The following CAST variants were observed in gnomAD, a reference collection of about 807,000 sequenced individuals.
The protein encoded by CAST is MIR583 host.
A neutral mutation model predicts 119.6 loss-of-function variants in CAST; 76 were observed. That is an observed-to-expected ratio of 0.64 (90% confidence interval 0.53 to 0.77). CAST has a LOEUF of 0.77. CAST is among the 30% of genes least tolerant of loss of function. The probability of loss-of-function intolerance (pLI) is 0.00; values close to 1 mark genes in which losing one functional copy is unlikely to be tolerated. For missense variants in CAST, 953 were observed against 946.5 expected, an observed-to-expected ratio of 1.01 and a Z score of -0.09; for synonymous variants, 319 against 331.6, an observed-to-expected ratio of 0.96 and a Z score of 0.41.
rs577011913 is a variant in CAST, at chr5:96,690,501, A to G, written c.139-5335A>G. Among the ~76,000 whole-genome samples, 77 of 152,324 alleles carry G rather than the reference A, an allele frequency of 5.1e-4. 1 individual carries two copies. The highest frequency in any genetic ancestry group is 3.9e-4 in the Admixed American group (6 of 15,298). On this transcript the variant is annotated intron_variant, in intron 2 of 31. Transcript: ENST00000675179. ...TGCCTCTGCCTGCCAAAGTGCTAGG[A>G]TTACAGGCATAAACCACTGCACCTG...
chr5:96,568,367 C>A (rs570687672), intron 1 of CAST, among the ~76,000 whole-genome samples: 2 of 152,108 alleles, frequency 1.3e-5, no homozygotes, highest in South Asian at 4.2e-4. Context: ...GAGTTAGAGA[C>A]CAGCCTGGCC....
the CAST span, chr5:96,392,043 A>G: frequency 3.9e-5 from 6 of 152,112 alleles, no homozygotes; most frequent in Non-Finnish European, 4.4e-5. Flanking sequence ...AAAAACAAAA[A>G]CAAAACTTCT....
At chr5:96,097,937 A>G in the CAST span, among the ~76,000 whole-genome samples, 3 of 151,850 alleles carry the variant, frequency 2.0e-5, no homozygotes, top group East Asian at 1.9e-4. Flanking sequence ...ACTAATTTAC[A>G]CTCCCACCAA....
At chr5:96,399,290 A>T in the CAST span, among the ~76,000 whole-genome samples, 1 of 152,218 alleles carries the variant, frequency 6.6e-6, no homozygotes. Flanking sequence ...TAGACCCATC[A>T]AAAAGCCCCT....
At chr5:96,600,311 C>G (rs1387366126) in intron 1 of CAST, among the ~76,000 whole-genome samples, 2 of 152,190 alleles carry the variant, frequency 1.3e-5, no homozygotes, top group Non-Finnish European at 2.9e-5. Flanking sequence ...CTTGTTTAAT[C>G]AGATTTCTTT....
intron 1 of CAST, among the ~76,000 whole-genome samples, chr5:96,559,063 C>A (rs559125524): frequency 1.3e-5 from 2 of 152,060 alleles, no homozygotes; most frequent in South Asian, 4.2e-4. Context: ...ATATGCAAAT[C>A]GATAAACGTA....
At chr5:96,352,606 A>G in the CAST span, among the ~76,000 whole-genome samples, 1 of 152,190 alleles carries the variant, frequency 6.6e-6, no homozygotes, top group Non-Finnish European at 1.5e-5. Flanking sequence ...TAACACAATT[A>G]TCAAAATAAA....
At chr5:96,587,835 A>G (rs914697323) in intron 1 of CAST, among the ~76,000 whole-genome samples, 1 of 152,214 alleles carries the variant, frequency 6.6e-6, no homozygotes, top group Non-Finnish European at 1.5e-5. Flanking sequence ...TATTTAAATA[A>G]GGAATATTCT....
At chr5:96,688,368 A>G (rs974559703) in intron 2 of CAST, among the ~76,000 whole-genome samples, 29 of 152,198 alleles carry the variant, frequency 1.9e-4, no homozygotes, top group African/African-American at 6.8e-4. Flanking sequence ...TGACCCAGAA[A>G]TCCCAATTCT....
chr5:96,618,762 G>C (rs111676692), intron 1 of CAST, among the ~76,000 whole-genome samples: 1 of 152,166 alleles, frequency 6.6e-6, no homozygotes, highest in African/African-American at 2.4e-5. Flanking sequence ...GGCAGGGCTC[G>C]GGACCTGCAG....
chr5:96,365,178 G>A, the CAST span, among the ~76,000 whole-genome samples: 1 of 152,136 alleles, frequency 6.6e-6, no homozygotes, highest in Non-Finnish European at 1.5e-5. Flanking sequence ...ATTGCACTGT[G>A]GTCTGAGAGA....
At chr5:96,762,462 T>C (rs565789423) in intron 25 of CAST, 90 bp downstream of exon 25, 5 of 833,916 alleles carry the variant, frequency 6.0e-6, no homozygotes, top group Non-Finnish European at 9.2e-6. Context: ...CAAATGAAAA[T>C]AGGCAGAATT....
At chr5:96,408,811 A>T in the CAST span, among the ~76,000 whole-genome samples, 1 of 152,212 alleles carries the variant, frequency 6.6e-6, no homozygotes, top group East Asian at 1.9e-4. Context: ...CTACTTGCAC[A>T]AAAAATGCTT....
chr5:96,590,237 C>T (rs1746939265), intron 1 of CAST, among the ~76,000 whole-genome samples: 1 of 152,202 alleles, frequency 6.6e-6, no homozygotes. Context: ...CTCAGACCTA[C>T]TGAATCAGAA....
At chr5:96,402,056 C>G in the CAST span, among the ~76,000 whole-genome samples, 5 of 152,210 alleles carry the variant, frequency 3.3e-5, no homozygotes, top group Non-Finnish European at 5.9e-5. Context: ...GTTCCTGTCT[C>G]AGCACTCGGT....
At chr5:95,992,925 GA>G in the CAST span, among the ~76,000 whole-genome samples, 1,582 of 151,638 alleles carry the variant, frequency 0.01, 36 homozygotes, top group African/African-American at 0.037. Flanking sequence ...AAACAATTTT[GA>G]AAAAAAATGA....
intron 19 of CAST, among the ~76,000 whole-genome samples, chr5:96,749,585 C>G (rs1006239550): frequency 6.6e-6 from 1 of 152,220 alleles, no homozygotes; most frequent in Non-Finnish European, 1.5e-5. Flanking sequence ...CTCACTCTCT[C>G]TCCCAGCTGG....
At chr5:96,524,788 C>A (rs1041171606), upstream of CAST, among the ~76,000 whole-genome samples, 1 of 152,194 alleles carries the variant, frequency 6.6e-6, no homozygotes, top group Admixed American at 6.5e-5. Flanking sequence ...CACAGGCAGA[C>A]AGAAGCTTAG....
the CAST span, among the ~76,000 whole-genome samples, chr5:96,152,330 C>T: frequency 6.6e-6 from 1 of 152,110 alleles, no homozygotes; most frequent in Non-Finnish European, 1.5e-5. Flanking sequence ...GGAATGTGGA[C>T]ACATCCATTT....
Sources: allele counts gnomAD v4.1 joint callset (sites outside exome capture counted in the v4.1 genomes callset), GRCh38; gene constraint gnomAD v4.1.1; transcripts MANE v1.5; gene names NCBI Gene and HGNC (gene_info 2026-07-23, HGNC 2026-07-21).